The following NIPAL2 variants were observed in gnomAD, a reference collection of about 807,000 sequenced individuals.
NIPAL2 encodes NIPA-like protein 2.
NIPAL2 carries 43 observed loss-of-function variants against 48.9 expected under a neutral mutation model. The observed-to-expected ratio is 0.88, with a 90% CI of 0.69 to 1.13. NIPAL2 has a LOEUF of 1.13. NIPAL2 is among the 50% of genes most tolerant of loss of function. The pLI is 0.00. For missense variants in NIPAL2, 446 were observed against 461.4 expected, an observed-to-expected ratio of 0.97 and a Z score of 0.31; for synonymous variants, 167 against 174.6, an observed-to-expected ratio of 0.96 and a Z score of 0.34.
intron 3 of NIPAL2, among the ~76,000 whole-genome samples, chr8:98,247,437 G>C (rs1813365106): frequency 6.6e-6 from 1 of 152,158 alleles, no homozygotes; most frequent in South Asian, 2.1e-4. Context: ...TGCCAAAGGG[G>C]AAGTGTAGGG....
At chr8:98,224,758 T>TC (rs1554566251) in intron 4 of NIPAL2, among the ~76,000 whole-genome samples, 30 of 137,812 alleles carry the variant, frequency 2.2e-4, no homozygotes, top group African/African-American at 9.3e-4. Context: ...TTCTTTTCTT[T>TC]TTTTTTTTTT....
intron 1 of NIPAL2, among the ~76,000 whole-genome samples, chr8:98,258,232 G>A (rs1785018138): frequency 6.6e-6 from 1 of 152,200 alleles, no homozygotes; most frequent in Admixed American, 6.5e-5. Context: ...AGAGTTGGGG[G>A]AGGGAAGAAT....
intron 1 of NIPAL2, among the ~76,000 whole-genome samples, chr8:98,268,785 G>A (rs573910462): frequency 3.9e-5 from 6 of 152,192 alleles, no homozygotes; most frequent in Admixed American, 6.5e-5. Flanking sequence ...TACAAAAGTC[G>A]TGTTTACACT....
At chr8:98,226,626 C>T (rs1812189243) in intron 4 of NIPAL2, among the ~76,000 whole-genome samples, 1 of 152,076 alleles carries the variant, frequency 6.6e-6, no homozygotes, top group Non-Finnish European at 1.5e-5. Flanking sequence ...CTCTCTCTGT[C>T]CTGAATTGCC....
intron 1 of NIPAL2, among the ~76,000 whole-genome samples, chr8:98,291,921 C>A (rs80326983): frequency 0.022 from 3,417 of 152,298 alleles, 134 homozygotes; most frequent in African/African-American, 0.075. Context: ...TTCTAAGTGG[C>A]CACTGTTAAA....
chr8:98,237,246 C>T (rs2130793298), intron 3 of NIPAL2, among the ~76,000 whole-genome samples: 1 of 152,036 alleles, frequency 6.6e-6, no homozygotes, highest in South Asian at 2.1e-4. Context: ...GAAATGGGGT[C>T]TCACTATGTT....
chr8:98,253,996 A>T (rs1813739123), intron 2 of NIPAL2, 23 bp downstream of exon 2: 2 of 1,549,652 alleles, frequency 1.3e-6, no homozygotes, highest in Non-Finnish European at 1.8e-6. Context: ...CTATAGTGTT[A>T]GAAAAATAAG....
Position 98,286,830 on chromosome 8 carries a change from A to AC in NIPAL2, c.135+7172_135+7173insG, listed in dbSNP as rs1356396668. On this transcript the variant is annotated intron_variant, in intron 1 of 10. Coordinates refer to ENST00000430223, the MANE Select transcript of NIPAL2 (RefSeq NM_001321635.2). Reference sequence around the variant, plus strand: ...ACTCTGTCAAAAAAAAAAAAAAAAAAAAAACCAAAAACAAACAAACACGTT... The same window carrying AC: ...ACTCTGTCAAAAAAAAAAAAAAAAAACAAAACCAAAAACAAACAAACACGTT... Among the ~76,000 whole-genome samples, 133 of 127,640 alleles carry AC rather than the reference A, an allele frequency of 1.0e-3. 3 individuals carry two copies. The highest frequency in any genetic ancestry group is 3.1e-3 in the African/African-American group (105 of 34,096). The allele number at this position is 127,640 out of a possible 152,430, so 83.7% of individuals were successfully genotyped here.
intron 8 of NIPAL2, among the ~76,000 whole-genome samples, chr8:98,202,514 C>T (rs1318692070): frequency 6.6e-6 from 1 of 152,104 alleles, no homozygotes; most frequent in Non-Finnish European, 1.5e-5. Context: ...TCTGTCAGTA[C>T]TGAGTTCATA....
chr8:98,216,790 C>A (rs948372248), intron 5 of NIPAL2, among the ~76,000 whole-genome samples: 1 of 152,152 alleles, frequency 6.6e-6, no homozygotes, highest in Non-Finnish European at 1.5e-5. Flanking sequence ...ACCAAGCCTG[C>A]CAAAGAACAT....
chr8:98,237,200 A>T (rs1266295260), intron 3 of NIPAL2, among the ~76,000 whole-genome samples: 1 of 151,762 alleles, frequency 6.6e-6, no homozygotes, highest in African/African-American at 2.4e-5. Context: ...GGCTCATGCC[A>T]CCACTCCCAG....
Position 98,252,578 on chromosome 8 carries a change from A to G in NIPAL2, c.261T>C (p.Ser87=), listed in dbSNP as rs751886948. The G allele has an allele frequency of 1.9e-6, 3 of 1,613,790 alleles. No homozygotes were observed. Among genetic ancestry groups the G allele is most frequent in the East Asian group, 4.5e-5 (2 of 44,862 alleles). Residue 87 remains serine, a synonymous_variant, in exon 3 of 11, where the codon AGT becomes AGC. Transcript: ENST00000430223. ...QQEHPRPYFK[S]VLWWGGVLLM... is the part of the protein sequence containing the mutation. ...GCAGGACACCACCCCACCACAGCACACTCTTGAAGTATGGCCTTGGGTGCT... is the reference window on the plus strand; with the variant it reads ...GCAGGACACCACCCCACCACAGCACGCTCTTGAAGTATGGCCTTGGGTGCT...
intron 10 of NIPAL2, chr8:98,193,428 G>A (rs768930664): frequency 1.4e-5 from 22 of 1,613,548 alleles, no homozygotes; most frequent in African/African-American, 1.3e-4. Context: ...TTTCCACGTC[G>A]AATGCATATA....
chr8:98,240,055 A>G (rs532987217), intron 3 of NIPAL2, among the ~76,000 whole-genome samples: 13 of 152,386 alleles, frequency 8.5e-5, no homozygotes, highest in African/African-American at 2.2e-4. Context: ...GTAAAATTTA[A>G]TATTCAAAAA....
intron 6 of NIPAL2, among the ~76,000 whole-genome samples, chr8:98,208,232 C>G (rs1436691361): frequency 6.6e-6 from 1 of 152,170 alleles, no homozygotes; most frequent in Non-Finnish European, 1.5e-5. Context: ...TTTTTCTAAA[C>G]ATGTGCTGAC....
intron 7 of NIPAL2, 40 bp downstream of exon 7, chr8:98,205,071 G>C (rs1810964151): frequency 6.2e-7 from 1 of 1,602,780 alleles, no homozygotes; most frequent in African/African-American, 1.3e-5. Context: ...AGAAGCACCG[G>C]AATGTTGAAA....
Position 98,252,651 on chromosome 8 carries a change from A to G in NIPAL2, c.205-17T>C, listed in dbSNP as rs1419795424. On this transcript the variant is annotated splice_polypyrimidine_tract_variant and intron_variant, in intron 2 of 10. Coordinates refer to ENST00000430223, the MANE Select transcript of NIPAL2 (RefSeq NM_001321635.2). ...AGAATATTTCTGAAAGTAAATCAGA[A>G]GACAAATAAGAAAACATTCTGAGCT... The G allele has an allele frequency of 1.3e-6, 2 of 1,597,928 alleles. No individual in the cohort carries two copies. The highest frequency in any genetic ancestry group is 1.7e-4 in the Middle Eastern group (1 of 5,842).
intron 6 of NIPAL2, 103 bp downstream of exon 6, chr8:98,212,302 A>T (rs1227251350): frequency 3.4e-6 from 2 of 592,460 alleles, no homozygotes; most frequent in African/African-American, 3.7e-5. Context: ...TGAAAAATAT[A>T]AACCATGAGA....
In NIPAL2 at chr8:98,190,198, T is replaced by A. The variant is rs1469977841; in HGVS notation, c.*2780A>T. 3 of 152,240 alleles carry A rather than the reference T, an allele frequency of 2.0e-5. No homozygotes were observed. The highest frequency in any genetic ancestry group is 4.4e-5 in the Non-Finnish European group (3 of 68,080). The allele number at this position is 152,240 out of a possible 1,614,324, so 9.4% of individuals were successfully genotyped here. A position where few individuals can be genotyped will look rare whatever the true frequency, so the allele number is the denominator to read the frequency against. ...TCTCATTTGTCATGAGCCATGAGTG[T>A]CACTTTTTAAACTCCTTCCCTGAAT... On this transcript the variant is annotated 3_prime_UTR_variant, in exon 11 of 11. Coordinates refer to ENST00000430223, the MANE Select transcript of NIPAL2 (RefSeq NM_001321635.2).
Sources: allele counts gnomAD v4.1 joint callset (sites outside exome capture counted in the v4.1 genomes callset), GRCh38; gene constraint gnomAD v4.1.1; transcripts MANE v1.5; gene names NCBI Gene and HGNC (gene_info 2026-07-23, HGNC 2026-07-21).